Variants in PPP1R9A observed in about 807,000 individuals in gnomAD.
PPP1R9A encodes the protein protein phosphatase 1 regulatory subunit 9A.
Under a neutral mutation model 141.9 loss-of-function variants are expected in PPP1R9A, and 59 were observed. The observed-to-expected ratio is 0.42, with a 90% CI of 0.34 to 0.52. The LOEUF (loss-of-function observed/expected upper bound fraction) is 0.52. PPP1R9A is among the 20% of genes least tolerant of loss of function. The pLI is 0.10. For missense variants in PPP1R9A, 1,444 were observed against 1,611.9 expected, an observed-to-expected ratio of 0.90 and a Z score of 1.78; for synonymous variants, 500 against 569.7, an observed-to-expected ratio of 0.88 and a Z score of 1.74.
chr7:95,055,367 C>T (rs1224745162), intron 2 of PPP1R9A, among the ~76,000 whole-genome samples: 2 of 148,814 alleles, frequency 1.3e-5, no homozygotes, highest in African/African-American at 5.2e-5. Flanking sequence ...AATTCTTAAC[C>T]CTACCCATTC....
chr7:94,984,492 A>G lies in PPP1R9A; in HGVS notation c.1395+72984A>G, dbSNP rs1800545743. Among the ~76,000 whole-genome samples, 4 of 152,122 alleles carry G rather than the reference A, an allele frequency of 2.6e-5. No homozygotes were observed. In the South Asian group the frequency reaches 8.3e-4, roughly 32 times the overall value. ...TTTTTTGGTTGGTAGGCTCTTAATTATTGCCTCAATTTCAGAGCCTGTTAT... is the reference window on the plus strand; with the variant it reads ...TTTTTTGGTTGGTAGGCTCTTAATTGTTGCCTCAATTTCAGAGCCTGTTAT... On this transcript the variant is annotated intron_variant, in intron 2 of 19. Transcript: ENST00000433360.
intron 12 of PPP1R9A, among the ~76,000 whole-genome samples, chr7:95,264,324 A>G (rs1010636161): frequency 2.0e-5 from 3 of 152,186 alleles, no homozygotes; most frequent in Non-Finnish European, 4.4e-5. Flanking sequence ...TGAGTGGGTT[A>G]GTGCACGTAA....
intron 2 of PPP1R9A, among the ~76,000 whole-genome samples, chr7:95,090,085 G>C (rs117276591): frequency 1.3e-3 from 192 of 152,006 alleles, no homozygotes; most frequent in Non-Finnish European, 8.8e-4. Context: ...TAAATGGGAA[G>C]TGAGATCTTA....
intron 2 of PPP1R9A, among the ~76,000 whole-genome samples, chr7:95,093,653 T>A (rs1817646887): frequency 6.6e-6 from 1 of 152,212 alleles, no homozygotes; most frequent in Non-Finnish European, 1.5e-5. Context: ...GAGAAGTCTT[T>A]TTTTATATTG....
At chr7:95,201,661 A>C (rs570200121) in intron 6 of PPP1R9A, among the ~76,000 whole-genome samples, 1 of 152,234 alleles carries the variant, frequency 6.6e-6, no homozygotes, top group Non-Finnish European at 1.5e-5. Flanking sequence ...CAAATATTGG[A>C]TAGCTAATGG....
chr7:94,912,516 A>G lies in PPP1R9A; in HGVS notation c.1395+1008A>G, dbSNP rs376768855. Among the ~76,000 whole-genome samples, 8 of 152,276 alleles carry G rather than the reference A, an allele frequency of 5.3e-5. No homozygotes were observed. The East Asian group carries it at 9.7e-4, about 18-fold the overall frequency. On this transcript the variant is annotated intron_variant, in intron 2 of 19. Transcript: ENST00000433360. ...CTTCTAGCTTACACAGTGTGTATAT[A>G]TGATAGACTTGGAATTTGATATATT...
At chr7:95,135,245 CAT>C (rs1825438631) in intron 4 of PPP1R9A, among the ~76,000 whole-genome samples, 1 of 152,148 alleles carries the variant, frequency 6.6e-6, no homozygotes, top group Non-Finnish European at 1.5e-5. Flanking sequence ...AAACAGAGAT[CAT>C]GTCTTATTTA....
At chr7:95,193,374 CTG>C (rs992395306) in intron 5 of PPP1R9A, among the ~76,000 whole-genome samples, 7 of 152,106 alleles carry the variant, frequency 4.6e-5, no homozygotes, top group African/African-American at 1.7e-4. Flanking sequence ...TTTCATAAGA[CTG>C]TAGAGTGATT....
chr7:94,945,045 T>G (rs991990702), intron 2 of PPP1R9A, among the ~76,000 whole-genome samples: 8 of 152,142 alleles, frequency 5.3e-5, no homozygotes, highest in African/African-American at 1.9e-4. Context: ...TTTCATCTCC[T>G]TACATGAGAT....
chr7:95,112,979 C>T (rs1056394101), intron 3 of PPP1R9A, among the ~76,000 whole-genome samples: 8 of 152,028 alleles, frequency 5.3e-5, no homozygotes, highest in African/African-American at 1.4e-4. Flanking sequence ...GCGCACAATG[C>T]GAACTATTCA....
intron 6 of PPP1R9A, among the ~76,000 whole-genome samples, 157 bp downstream of exon 6, chr7:95,198,641 C>T (rs1227118339): frequency 6.6e-6 from 1 of 152,160 alleles, no homozygotes; most frequent in Non-Finnish European, 1.5e-5. Flanking sequence ...CTACTCGCAT[C>T]TGATATACGC....
At chr7:94,913,932 T>G (rs116577179) in intron 2 of PPP1R9A, among the ~76,000 whole-genome samples, 36 of 152,314 alleles carry the variant, frequency 2.4e-4, no homozygotes, top group African/African-American at 8.7e-4. Context: ...GCCAAAATTT[T>G]TAATGTCCTG....
chr7:95,199,593 G>A (rs781154227), intron 6 of PPP1R9A, among the ~76,000 whole-genome samples: 11 of 152,040 alleles, frequency 7.2e-5, no homozygotes, highest in Non-Finnish European at 1.5e-4. Flanking sequence ...ATTAGAGGTG[G>A]TATATCCGTT....
intron 14 of PPP1R9A, 79 bp downstream of exon 14, chr7:95,269,586 G>T: frequency 8.3e-7 from 1 of 1,207,470 alleles, no homozygotes; most frequent in South Asian, 1.7e-5. Context: ...ATAATCATAA[G>T]TCATTTGTTT....
At chr7:95,288,499 G>A (rs750656201) in intron 18 of PPP1R9A, 37 bp from the exon 19 acceptor site, 1 of 1,602,418 alleles carries the variant, frequency 6.2e-7, no homozygotes, top group Non-Finnish European at 8.5e-7. Flanking sequence ...ATAGTATCTT[G>A]GTCCTTTAAC....
At chr7:94,988,042 T>C (rs977837626) in intron 2 of PPP1R9A, among the ~76,000 whole-genome samples, 2 of 152,108 alleles carry the variant, frequency 1.3e-5, no homozygotes, top group African/African-American at 4.8e-5. Context: ...ATACTTGGAA[T>C]TGGATCAGAG....
At chr7:95,202,510 G>A (rs1470772055) in intron 6 of PPP1R9A, 9 of 536,648 alleles carry the variant, frequency 1.7e-5, no homozygotes, top group South Asian at 1.6e-4. Flanking sequence ...TTTAATCGAA[G>A]TATTGATCAC....
intron 18 of PPP1R9A, among the ~76,000 whole-genome samples, chr7:95,287,610 T>C (rs1805587494): frequency 6.6e-6 from 1 of 152,190 alleles, no homozygotes; most frequent in South Asian, 2.1e-4. Flanking sequence ...AATAAACTCC[T>C]AACTATTGAG....
intron 2 of PPP1R9A, among the ~76,000 whole-genome samples, chr7:95,020,139 A>G (rs1805718390): frequency 6.6e-6 from 1 of 152,166 alleles, no homozygotes; most frequent in Non-Finnish European, 1.5e-5. Context: ...ATATAATTCT[A>G]CTTATATACA....
Sources: gnomAD v4.1 joint callset for allele counts (sites outside exome capture counted in the v4.1 genomes callset) on GRCh38, gnomAD v4.1.1 for gene constraint, MANE v1.5 for transcripts, NCBI Gene and HGNC (gene_info 2026-07-23, HGNC 2026-07-21) for gene names.